The following FBN1 variants were observed in gnomAD, a reference collection of about 807,000 sequenced individuals.
FBN1 encodes the protein fibrillin-1.
In FBN1, 29 loss-of-function variants were observed where a neutral mutation model predicts 365.1. The observed-to-expected ratio is 0.08, with a 90% CI of 0.06 to 0.11. FBN1 has a LOEUF of 0.11. FBN1 is among the 10% of genes least tolerant of loss of function. The pLI, the probability that FBN1 is intolerant of heterozygous loss-of-function variation, is 1.00. For synonymous variants in FBN1, 1,210 were observed against 1,270.5 expected, an observed-to-expected ratio of 0.95 and a Z score of 1.01; for missense variants, 2,476 against 3,703.2, an observed-to-expected ratio of 0.67 and a Z score of 8.60.
intron 23 of FBN1, 63 bp downstream of exon 23, chr15:48,494,141 C>A: frequency 2.3e-6 from 3 of 1,302,606 alleles, no homozygotes. Context: ...TTATCCAGTC[C>A]GAGTTAACAC....
Position 48,644,896 on chromosome 15 carries a change from C to G in FBN1, c.-127G>C. ...CTATCCCGCCGCCCGTCCCCCGGGC[C>G]GGGCTCCTCCCGCCTTCTCCAGGCG... On this transcript the variant is annotated 5_prime_UTR_variant, in exon 2 of 66. Transcript: ENST00000316623. 1 of 950,638 alleles carries G rather than the reference C, an allele frequency of 1.1e-6. No homozygotes were observed. The highest frequency in any genetic ancestry group is 3.8e-5 in the South Asian group (1 of 26,436). The allele number at this position is 950,638 out of a possible 1,614,324, so 58.9% of individuals were successfully genotyped here.
chr15:48,412,371 G>C (rs1451598347), intron 65 of FBN1, among the ~76,000 whole-genome samples, 198 bp downstream of exon 65: 1 of 152,118 alleles, frequency 6.6e-6, no homozygotes, highest in Non-Finnish European at 1.5e-5. Context: ...ACCTTCAAAT[G>C]GCCACTCCCG....
intron 8 of FBN1, among the ~76,000 whole-genome samples, chr15:48,532,914 C>A (rs1019000161): frequency 5.9e-5 from 9 of 152,238 alleles, no homozygotes; most frequent in African/African-American, 1.7e-4. Flanking sequence ...TTCAAGAATG[C>A]AGTATCAATT....
chr15:48,436,374 T>C (rs1476088550), intron 53 of FBN1, among the ~76,000 whole-genome samples: 1 of 152,192 alleles, frequency 6.6e-6, no homozygotes, highest in Non-Finnish European at 1.5e-5. Flanking sequence ...TCTCAGCATT[T>C]ATGCTAGTAT....
intron 42 of FBN1, among the ~76,000 whole-genome samples, chr15:48,461,317 T>G (rs1440134436): frequency 1.3e-5 from 2 of 152,164 alleles, no homozygotes; most frequent in South Asian, 2.1e-4. Flanking sequence ...TATGTAGATA[T>G]TCAAAACTCA....
intron 15 of FBN1, among the ~76,000 whole-genome samples, chr15:48,507,763 T>C (rs1376822952): frequency 6.6e-6 from 1 of 152,166 alleles, no homozygotes; most frequent in Admixed American, 6.5e-5. Context: ...AAGCTCTAAG[T>C]GCAGCATTTT....
intron 2 of FBN1, among the ~76,000 whole-genome samples, chr15:48,615,674 CAG>C (rs1448005570): frequency 6.6e-6 from 1 of 152,132 alleles, no homozygotes; most frequent in Non-Finnish European, 1.5e-5. Flanking sequence ...ATCCTAGAAA[CAG>C]AGTCTTATAT....
At chr15:48,550,962 T>TATGAATGAATGAATGA (rs113964524) in intron 6 of FBN1, among the ~76,000 whole-genome samples, 37 of 119,468 alleles carry the variant, frequency 3.1e-4, no homozygotes, top group African/African-American at 9.3e-4. Context: ...CTCAAGTATT[T>TATGAATGAATGAATGA]ATGAATGAAT....
intron 29 of FBN1, 27 bp from the exon 30 acceptor site, chr15:48,485,523 T>C: frequency 1.9e-6 from 3 of 1,612,622 alleles, no homozygotes; most frequent in Non-Finnish European, 2.5e-6. Context: ...TAATATCACC[T>C]TCTGATATGG....
chr15:48,625,758 A>T (rs1466139676), intron 2 of FBN1, among the ~76,000 whole-genome samples: 1 of 152,200 alleles, frequency 6.6e-6, no homozygotes, highest in Non-Finnish European at 1.5e-5. Context: ...TCCGTTTTGA[A>T]TCCTATTTGG....
intron 6 of FBN1, among the ~76,000 whole-genome samples, chr15:48,557,808 T>A (rs2044193215): frequency 6.6e-6 from 1 of 152,178 alleles, no homozygotes. Flanking sequence ...GGCTATCAGT[T>A]GATATGCTTG....
chr15:48,523,286 A>T (rs2043876379), intron 9 of FBN1, among the ~76,000 whole-genome samples: 1 of 152,244 alleles, frequency 6.6e-6, no homozygotes, highest in Admixed American at 6.5e-5. Flanking sequence ...TAGGGCCTAC[A>T]GTTGCCAATG....
Position 48,437,901 on chromosome 15 carries a change from G to A in FBN1, c.6180C>T (p.Tyr2060=), listed in dbSNP as rs974604498. Residue 2060 remains tyrosine (Y), a synonymous_variant, in exon 51 of 66, where the codon TAC becomes TAT. Transcript: ENST00000316623. ...TTCCTCCTTCAAACTTCGCATAACA[G>A]TAGCTCATTCGCAAATCTGCAGCAT... ...GRRCQDLRMS[Y]CYAKFEGGKC... is the part of the protein sequence containing the mutation. The A allele has an allele frequency of 1.4e-5, 23 of 1,613,666 alleles. No individual in the cohort carries two copies. The highest frequency in any genetic ancestry group is 1.6e-4 in the Middle Eastern group (1 of 6,076).
intron 5 of FBN1, among the ~76,000 whole-genome samples, chr15:48,597,839 C>A (rs1290405025): frequency 1.3e-5 from 2 of 152,196 alleles, no homozygotes; most frequent in Non-Finnish European, 2.9e-5. Flanking sequence ...CCAACCCTCC[C>A]AGATTACAGA....
intron 4 of FBN1, among the ~76,000 whole-genome samples, chr15:48,609,178 T>G (rs1394195885): frequency 1.3e-5 from 2 of 152,198 alleles, no homozygotes; most frequent in African/African-American, 4.8e-5. Context: ...GTTCTATTCC[T>G]CCAGTTCAGG....
chr15:48,501,795 A>C (rs1241425560), intron 17 of FBN1, among the ~76,000 whole-genome samples: 1 of 152,238 alleles, frequency 6.6e-6, no homozygotes, highest in African/African-American at 2.4e-5. Context: ...AAAGTAGGTA[A>C]GTAAAGTACT....
intron 35 of FBN1, among the ~76,000 whole-genome samples, chr15:48,471,064 C>T (rs2043371249): frequency 6.6e-6 from 1 of 152,050 alleles, no homozygotes; most frequent in African/African-American, 2.4e-5. Context: ...GCAAGCAAGC[C>T]ACCTTACGCT....
intron 6 of FBN1, among the ~76,000 whole-genome samples, chr15:48,572,732 C>T (rs2044315806): frequency 6.6e-6 from 1 of 152,066 alleles, no homozygotes; most frequent in Non-Finnish European, 1.5e-5. Flanking sequence ...TGGCAGTCAC[C>T]TCTGGAGAGA....
chr15:48,566,136 G>C (rs899943916), intron 6 of FBN1, among the ~76,000 whole-genome samples: 2 of 152,184 alleles, frequency 1.3e-5, no homozygotes, highest in African/African-American at 4.8e-5. Flanking sequence ...TCTGTAGTAA[G>C]AATAGCAGAA....
Sources: gnomAD v4.1 joint callset for allele counts (sites outside exome capture counted in the v4.1 genomes callset) on GRCh38, gnomAD v4.1.1 for gene constraint, MANE v1.5 for transcripts, NCBI Gene and HGNC (gene_info 2026-07-23, HGNC 2026-07-21) for gene names.